CDH20: variants seen among roughly 807,000 people sequenced by gnomAD.
CDH20 encodes the protein cadherin-20.
CDH20 carries 29 observed loss-of-function variants against 74.2 expected under a neutral mutation model. The ratio of observed to expected loss-of-function variants is 0.39; its 90% CI spans 0.29 to 0.53. CDH20 has a LOEUF of 0.53. Among genes scored for constraint, CDH20 ranks in the 20% least tolerant of loss-of-function variants. The pLI is 0.69. For missense variants in CDH20, 988 were observed against 1,048.3 expected, an observed-to-expected ratio of 0.94 and a Z score of 0.79; for synonymous variants, 469 against 405.4, an observed-to-expected ratio of 1.16 and a Z score of -1.88.
intron 5 of CDH20, among the ~76,000 whole-genome samples, chr18:61,504,051 C>T (rs1281647468): frequency 6.6e-6 from 1 of 151,984 alleles, no homozygotes; most frequent in African/African-American, 2.4e-5. Flanking sequence ...AAACTGCTGC[C>T]TGGAAATAAG....
chr18:61,501,223 T>C (rs895245709), intron 4 of CDH20, among the ~76,000 whole-genome samples: 64 of 152,214 alleles, frequency 4.2e-4, no homozygotes, highest in Middle Eastern at 3.4e-3. Context: ...AAACAGGAGT[T>C]TGGTGTTTTG....
chr18:61,359,207 T>C (rs1910603903), intron 1 of CDH20, among the ~76,000 whole-genome samples: 2 of 152,142 alleles, frequency 1.3e-5, no homozygotes, highest in South Asian at 4.1e-4. Context: ...TTATTCCATC[T>C]ACATTTTGCA....
intron 1 of CDH20, among the ~76,000 whole-genome samples, chr18:61,418,815 T>A (rs1912784566): frequency 6.6e-6 from 1 of 152,178 alleles, no homozygotes; most frequent in South Asian, 2.1e-4. Context: ...TTAGTCCTAC[T>A]TAGCCATTAT....
chr18:61,439,688 A>G (rs904233686), intron 1 of CDH20, among the ~76,000 whole-genome samples: 1 of 152,066 alleles, frequency 6.6e-6, no homozygotes, highest in African/African-American at 2.4e-5. Context: ...TGGCTCTACA[A>G]TTTTTTAGAG....
intron 9 of CDH20, 60 bp from the exon 10 acceptor site, chr18:61,544,967 C>G: frequency 9.0e-7 from 1 of 1,115,280 alleles, no homozygotes; most frequent in Non-Finnish European, 1.4e-6. Context: ...TGGGATTTAA[C>G]TGGGCCCTGG....
At chr18:61,498,266 G>A (rs1911241788) in intron 2 of CDH20, among the ~76,000 whole-genome samples, 1 of 152,056 alleles carries the variant, frequency 6.6e-6, no homozygotes, top group Non-Finnish European at 1.5e-5. Context: ...CAGGCATTGT[G>A]GTGCATGCCT....
chr18:61,554,785 T>C lies in CDH20; in HGVS notation c.*90T>C. On this transcript the variant is annotated 3_prime_UTR_variant, in exon 12 of 12. Coordinates refer to ENST00000262717, the MANE Select transcript of CDH20 (RefSeq NM_031891.4). ...GTGCAGCCAACCACACGAGCAATAC[T>C]GTGCTGGAGAGTGAGAATGGGGGTG... 2 of 1,448,492 alleles carry C rather than the reference T, an allele frequency of 1.4e-6. No individual in the cohort carries two copies. The highest frequency in any genetic ancestry group is 1.8e-6 in the Non-Finnish European group (2 of 1,101,138). 89.7% of individuals were successfully genotyped at this position (1,448,492 alleles called of 1,614,324 possible). A position where few individuals can be genotyped will look rare whatever the true frequency, so the allele number is the denominator to read the frequency against.
At chr18:61,339,701 T>TTTTTTTTTTTTTTTTTTTTTTTTTC (rs58434671) in intron 1 of CDH20, among the ~76,000 whole-genome samples, 1 of 122,944 alleles carries the variant, frequency 8.1e-6, no homozygotes, top group African/African-American at 3.0e-5. Flanking sequence ...TTTTTTTTTT[T>TTTTTTTTTTTTTTTTTTTTTTTTTC]TTTTGAGATG....
At chr18:61,462,748 G>A (rs1406774027) in intron 1 of CDH20, among the ~76,000 whole-genome samples, 1 of 147,772 alleles carries the variant, frequency 6.8e-6, no homozygotes, top group Admixed American at 6.8e-5. Context: ...TCTAGGGCAT[G>A]TCAATGGTGG....
chr18:61,340,907 A>G (rs1246535224), intron 1 of CDH20, among the ~76,000 whole-genome samples: 1 of 152,164 alleles, frequency 6.6e-6, no homozygotes, highest in East Asian at 1.9e-4. Context: ...TTTCTTTTTA[A>G]TTTGAAAGGT....
chr18:61,542,056 C>G (rs1027585796), intron 9 of CDH20, among the ~76,000 whole-genome samples: 1 of 152,200 alleles, frequency 6.6e-6, no homozygotes, highest in Non-Finnish European at 1.5e-5. Flanking sequence ...AATATATACA[C>G]AATACGCAGG....
chr18:61,339,701 T>TTTTTTTTTTTTTTTTTTTTTTTTTTTC (rs58434671), intron 1 of CDH20, among the ~76,000 whole-genome samples: 3 of 122,944 alleles, frequency 2.4e-5, no homozygotes, highest in Non-Finnish European at 3.2e-5. Flanking sequence ...TTTTTTTTTT[T>TTTTTTTTTTTTTTTTTTTTTTTTTTTC]TTTTGAGATG....
At chr18:61,360,502 T>G (rs545172704) in intron 1 of CDH20, among the ~76,000 whole-genome samples, 3 of 151,654 alleles carry the variant, frequency 2.0e-5, no homozygotes, top group Non-Finnish European at 2.9e-5. Flanking sequence ...ATGTTAAGTG[T>G]GTAAAGGAAG....
At chr18:61,339,593 A>T (rs1367448000) in intron 1 of CDH20, among the ~76,000 whole-genome samples, 7 of 151,766 alleles carry the variant, frequency 4.6e-5, no homozygotes, top group Non-Finnish European at 8.8e-5. Flanking sequence ...AAATAACTGC[A>T]TGTCCTCTGT....
At chr18:61,437,321 T>C (rs1263389177) in intron 1 of CDH20, among the ~76,000 whole-genome samples, 2 of 152,184 alleles carry the variant, frequency 1.3e-5, no homozygotes, top group Non-Finnish European at 2.9e-5. Flanking sequence ...CAAGCAAATG[T>C]AATTTGTGAG....
At chr18:61,423,136 G>A (rs73963093) in intron 1 of CDH20, among the ~76,000 whole-genome samples, 2,109 of 152,314 alleles carry the variant, frequency 0.014, 44 homozygotes, top group African/African-American at 0.048. Context: ...GCAAATCCTG[G>A]GGAGGTCCCA....
chr18:61,361,877 T>C (rs1910705182), intron 1 of CDH20, among the ~76,000 whole-genome samples: 1 of 152,240 alleles, frequency 6.6e-6, no homozygotes, highest in African/African-American at 2.4e-5. Flanking sequence ...TCATCTAAGA[T>C]GATCTCTGGC....
At chr18:61,507,809 T>C (rs989254219) in intron 6 of CDH20, among the ~76,000 whole-genome samples, 8 of 152,058 alleles carry the variant, frequency 5.3e-5, no homozygotes, top group African/African-American at 1.7e-4. Flanking sequence ...AATATATTTC[T>C]AAATACATTC....
At chr18:61,441,271 GT>G (rs1430260697) in intron 1 of CDH20, among the ~76,000 whole-genome samples, 1 of 151,978 alleles carries the variant, frequency 6.6e-6, no homozygotes, top group African/African-American at 2.4e-5. Flanking sequence ...TTGTGTTTGG[GT>G]TTACAACTCC....
Sources: gnomAD v4.1 joint callset for allele counts (sites outside exome capture counted in the v4.1 genomes callset) on GRCh38, gnomAD v4.1.1 for gene constraint, MANE v1.5 for transcripts, NCBI Gene and HGNC (gene_info 2026-07-23, HGNC 2026-07-21) for gene names.